The following DEPTOR variants were observed in gnomAD, a reference collection of about 807,000 sequenced individuals.
DEPTOR encodes the protein DEP domain containing MTOR interacting protein, also known as DEP domain-containing mTOR-interacting protein.
In DEPTOR, 41 loss-of-function variants were observed where a neutral mutation model predicts 41.6. That is an observed-to-expected ratio of 0.98 (90% CI 0.77 to 1.28). DEPTOR has a LOEUF of 1.28. DEPTOR is among the 50% of genes most tolerant of loss of function. The pLI is 0.00. For synonymous variants in DEPTOR, 195 were observed against 192.3 expected (o/e 1.01, Z -0.12); for missense variants, 514 against 527.9 (o/e 0.97, Z 0.26).
At chr8:120,046,645 C>T (rs1020085330) in intron 8 of DEPTOR, among the ~76,000 whole-genome samples, 10 of 152,018 alleles carry the variant, frequency 6.6e-5, no homozygotes, top group Admixed American at 2.6e-4. Flanking sequence ...TTTGTAGAGA[C>T]GGAGTCTCAC....
chr8:119,988,953 T>C (rs1227567278), intron 4 of DEPTOR, among the ~76,000 whole-genome samples: 6 of 126,088 alleles, frequency 4.8e-5, no homozygotes, highest in Admixed American at 1.9e-4. Context: ...TATCCTTTTT[T>C]TTTTCTTTTT....
intron 4 of DEPTOR, among the ~76,000 whole-genome samples, chr8:119,974,543 G>A (rs1017394295): frequency 1.3e-5 from 2 of 152,106 alleles, no homozygotes; most frequent in African/African-American, 4.8e-5. Flanking sequence ...AGGCTGAGGC[G>A]AGAGAATCAC....
chr8:119,899,327 A>C (rs1827558323), intron 1 of DEPTOR, among the ~76,000 whole-genome samples: 1 of 152,196 alleles, frequency 6.6e-6, no homozygotes, highest in Admixed American at 6.6e-5. Context: ...TCTTTGTCTC[A>C]GGATTTTATC....
At chr8:119,980,493 CT>C (rs1355542110) in intron 4 of DEPTOR, among the ~76,000 whole-genome samples, 1 of 140,562 alleles carries the variant, frequency 7.1e-6, no homozygotes, top group Admixed American at 7.3e-5. Flanking sequence ...CTTTTCTTTT[CT>C]TTTCTTTTCT....
chr8:119,979,976 A>T (rs1039850149), intron 4 of DEPTOR, among the ~76,000 whole-genome samples: 4 of 152,178 alleles, frequency 2.6e-5, no homozygotes, highest in African/African-American at 9.7e-5. Flanking sequence ...CAGGACAAGG[A>T]TCATCTTCTA....
intron 3 of DEPTOR, among the ~76,000 whole-genome samples, chr8:119,963,542 G>T (rs1412711502): frequency 6.6e-6 from 1 of 151,946 alleles, no homozygotes; most frequent in African/African-American, 2.4e-5. Context: ...ATAGAGATGG[G>T]GTTTTGTCAT....
At chr8:120,013,233 G>A (rs1476811407) in intron 8 of DEPTOR, among the ~76,000 whole-genome samples, 3 of 151,482 alleles carry the variant, frequency 2.0e-5, no homozygotes, top group African/African-American at 4.9e-5. Context: ...TCATTATGCA[G>A]TGCATGACTA....
intron 4 of DEPTOR, among the ~76,000 whole-genome samples, chr8:119,981,705 T>C (rs1397334851): frequency 6.6e-6 from 1 of 151,656 alleles, no homozygotes; most frequent in African/African-American, 2.4e-5. Context: ...GGACTTGATT[T>C]TGGCAATTCT....
intron 3 of DEPTOR, among the ~76,000 whole-genome samples, chr8:119,937,140 G>T (rs1457576474): frequency 1.3e-5 from 2 of 151,994 alleles, no homozygotes; most frequent in African/African-American, 4.8e-5. Context: ...CCGGGCTCAC[G>T]CCTATAATCC....
chr8:119,940,094 G>A (rs1302209953), intron 3 of DEPTOR, among the ~76,000 whole-genome samples: 3 of 152,008 alleles, frequency 2.0e-5, no homozygotes, highest in African/African-American at 7.2e-5. Context: ...GTGCATGCCT[G>A]TAATCCCAGC....
At chr8:119,928,644 A>G in intron 2 of DEPTOR, 66 bp downstream of exon 2, 1 of 1,518,328 alleles carries the variant, frequency 6.6e-7, no homozygotes, top group South Asian at 1.3e-5. Context: ...TCATGAACAT[A>G]CCCACTTAAG....
chr8:119,983,575 G>T (rs1828794147), intron 4 of DEPTOR, among the ~76,000 whole-genome samples: 1 of 152,012 alleles, frequency 6.6e-6, no homozygotes. Flanking sequence ...AGCAGAGACG[G>T]GTTTCACCAT....
At chr8:120,029,498 T>A (rs527508870) in intron 8 of DEPTOR, among the ~76,000 whole-genome samples, 10 of 152,188 alleles carry the variant, frequency 6.6e-5, no homozygotes, top group South Asian at 4.2e-4. Context: ...TTGGTTCAAG[T>A]GATTCTCCTG....
At chr8:119,951,174 T>C (rs1218998740) in intron 3 of DEPTOR, among the ~76,000 whole-genome samples, 2 of 152,184 alleles carry the variant, frequency 1.3e-5, no homozygotes, top group Non-Finnish European at 2.9e-5. Context: ...TACTCCTCCT[T>C]TCTTTCTCTG....
At chr8:119,874,690 T>C (rs1827210122) in intron 1 of DEPTOR, among the ~76,000 whole-genome samples, 1 of 152,110 alleles carries the variant, frequency 6.6e-6, no homozygotes. Context: ...ATGGGGACCC[T>C]GGCTCCTGCA....
chr8:119,934,483 G>C (rs1218040854), intron 3 of DEPTOR, among the ~76,000 whole-genome samples: 1 of 152,162 alleles, frequency 6.6e-6, no homozygotes, highest in East Asian at 1.9e-4. Flanking sequence ...TTCCATCCCA[G>C]CTTCACAACT....
At chr8:120,007,852 G>A (rs1309108406) in intron 7 of DEPTOR, among the ~76,000 whole-genome samples, 1 of 152,228 alleles carries the variant, frequency 6.6e-6, no homozygotes, top group East Asian at 1.9e-4. Context: ...AGTAACGGAA[G>A]TGCCTGAAAA....
At chr8:119,883,562 A>G (rs1827327247) in intron 1 of DEPTOR, among the ~76,000 whole-genome samples, 1 of 151,754 alleles carries the variant, frequency 6.6e-6, no homozygotes, top group Non-Finnish European at 1.5e-5. Context: ...GCAAAAGGGA[A>G]CAAATGTCAT....
chr8:119,997,554 A>C (rs1198197785), intron 4 of DEPTOR, among the ~76,000 whole-genome samples: 1 of 152,142 alleles, frequency 6.6e-6, no homozygotes, highest in Non-Finnish European at 1.5e-5. Flanking sequence ...TATTAAGAAC[A>C]TGTAGAAATA....
Sources: allele counts gnomAD v4.1 joint callset (sites outside exome capture counted in the v4.1 genomes callset), GRCh38; gene constraint gnomAD v4.1.1; transcripts MANE v1.5; gene names NCBI Gene and HGNC (gene_info 2026-07-23, HGNC 2026-07-21).